Variants in RBFOX1 observed in about 807,000 individuals in gnomAD.
RBFOX1 encodes the protein RNA binding protein fox-1 homolog 1.
A neutral mutation model predicts 57.7 loss-of-function variants in RBFOX1; 8 were observed. That is an observed-to-expected ratio of 0.14 (90% CI 0.08 to 0.25). The LOEUF is 0.25. Among genes scored for constraint, RBFOX1 ranks in the 10% least tolerant of loss-of-function variants. RBFOX1 has a pLI of 1.00. For missense variants in RBFOX1, 611 were observed against 548.5 expected, an observed-to-expected ratio of 1.11 and a Z score of -1.14; for synonymous variants, 326 against 222.4, an observed-to-expected ratio of 1.47 and a Z score of -4.15.
intron 3 of RBFOX1, among the ~76,000 whole-genome samples, chr16:5,816,077 G>C (rs1035849153): frequency 5.9e-5 from 9 of 152,216 alleles, no homozygotes; most frequent in Non-Finnish European, 1.2e-4. Context: ...TGAGCCTCCA[G>C]TTCTCCATGG....
At chr16:5,752,242 A>C (rs1371551777) in intron 3 of RBFOX1, among the ~76,000 whole-genome samples, 1 of 152,172 alleles carries the variant, frequency 6.6e-6, no homozygotes, top group Non-Finnish European at 1.5e-5. Context: ...GGACACATAG[A>C]GGGGAGAAAT....
intron 4 of RBFOX1, among the ~76,000 whole-genome samples, chr16:5,955,457 C>T (rs2059618438): frequency 6.6e-6 from 1 of 151,832 alleles, no homozygotes; most frequent in South Asian, 2.1e-4. Flanking sequence ...CCCTTTTGGA[C>T]ATTTCTGTTA....
chr16:5,999,905 A>T (rs1204446442), intron 4 of RBFOX1, among the ~76,000 whole-genome samples: 1 of 34,908 alleles, frequency 2.9e-5, no homozygotes, highest in African/African-American at 1.2e-4. Flanking sequence ...AAAAAAAAAA[A>T]AAGAGTGAAG....
chr16:6,744,375 A>C (rs918313713), intron 3 of RBFOX1, among the ~76,000 whole-genome samples: 2 of 152,144 alleles, frequency 1.3e-5, no homozygotes, highest in Non-Finnish European at 2.9e-5. Flanking sequence ...AGAACCCTCT[A>C]TCCTAAAATA....
intron 2 of RBFOX1, among the ~76,000 whole-genome samples, chr16:6,395,521 C>CT (rs913983149): frequency 1.1e-4 from 16 of 151,032 alleles, no homozygotes; most frequent in African/African-American, 2.2e-4. Context: ...TAAGTTCTTA[C>CT]TTTTTTTTTA....
In RBFOX1 at chr16:6,874,665, G is replaced by C. The variant is rs573336091; in HGVS notation, c.-15-177392G>C. Reference sequence around the variant, plus strand: ...ACTTACAATGGTTTTCCATTCCCGAGTTCCTTAACATTGTGTTAATATACT... The same window carrying C: ...ACTTACAATGGTTTTCCATTCCCGACTTCCTTAACATTGTGTTAATATACT... On this transcript the variant is annotated intron_variant, in intron 3 of 15. Coordinates refer to ENST00000550418, the MANE Select transcript of RBFOX1 (RefSeq NM_018723.4). 2.6e-5 allele frequency among the ~76,000 whole-genome samples: 4 copies of C among 152,118 alleles called. No individual in the cohort carries two copies. The East Asian group carries it at 7.7e-4, about 29-fold the overall frequency.
chr16:7,482,541 G>GTTTTTTTTT (rs1567418090), intron 4 of RBFOX1, among the ~76,000 whole-genome samples: 1 of 122,700 alleles, frequency 8.1e-6, no homozygotes, highest in African/African-American at 3.5e-5. Context: ...GATTGCCTGG[G>GTTTTTTTTT]ATTTTTTTTT....
intron 4 of RBFOX1, among the ~76,000 whole-genome samples, chr16:5,949,009 T>G (rs1253692198): frequency 6.6e-6 from 1 of 152,204 alleles, no homozygotes; most frequent in Non-Finnish European, 1.5e-5. Flanking sequence ...TCTATGTGTT[T>G]GTGTGTCTAC....
At chr16:5,781,300 T>C (rs1217278352) in intron 3 of RBFOX1, among the ~76,000 whole-genome samples, 1 of 152,204 alleles carries the variant, frequency 6.6e-6, no homozygotes, top group Non-Finnish European at 1.5e-5. Context: ...TTAAGGTTTA[T>C]CCATAGCCTC....
chr16:6,363,706 G>C (rs2089047625), intron 2 of RBFOX1, among the ~76,000 whole-genome samples: 1 of 152,164 alleles, frequency 6.6e-6, no homozygotes, highest in Non-Finnish European at 1.5e-5. Context: ...TAGCTAAAAG[G>C]CTAACAGGAG....
At chr16:7,148,345 G>A (rs577512068) in intron 4 of RBFOX1, among the ~76,000 whole-genome samples, 41 of 152,248 alleles carry the variant, frequency 2.7e-4, no homozygotes, top group African/African-American at 9.9e-4. Context: ...CCTGATTTTA[G>A]CATCTATACA....
chr16:7,121,975 C>T (rs1322395304), intron 4 of RBFOX1, among the ~76,000 whole-genome samples: 1 of 151,844 alleles, frequency 6.6e-6, no homozygotes, highest in Non-Finnish European at 1.5e-5. Flanking sequence ...ACACATTTGC[C>T]AAATCATATG....
chr16:6,995,475 G>A (rs985427194), intron 3 of RBFOX1, among the ~76,000 whole-genome samples: 1 of 152,066 alleles, frequency 6.6e-6, no homozygotes, highest in Non-Finnish European at 1.5e-5. Flanking sequence ...AGAAGAGGAA[G>A]GCTTTGAAGA....
At chr16:7,330,627 T>C (rs2096676739) in intron 4 of RBFOX1, among the ~76,000 whole-genome samples, 1 of 151,996 alleles carries the variant, frequency 6.6e-6, no homozygotes, top group Non-Finnish European at 1.5e-5. Context: ...TATTGAAGCA[T>C]TCTTGATTAA....
intron 3 of RBFOX1, among the ~76,000 whole-genome samples, chr16:5,689,413 T>C (rs2050601129): frequency 6.6e-6 from 1 of 151,980 alleles, no homozygotes; most frequent in Admixed American, 6.6e-5. Context: ...ATTGTGGGAG[T>C]TGTAAATTTG....
At chr16:5,522,439 A>G (rs557752879) in intron 2 of RBFOX1, among the ~76,000 whole-genome samples, 1 of 152,368 alleles carries the variant, frequency 6.6e-6, no homozygotes, top group South Asian at 2.1e-4. Context: ...CAGATATTTA[A>G]GAGGTACATG....
At chr16:6,866,320 A>C (rs1035108690) in intron 3 of RBFOX1, among the ~76,000 whole-genome samples, 1 of 151,998 alleles carries the variant, frequency 6.6e-6, no homozygotes, top group African/African-American at 2.4e-5. Flanking sequence ...AGCTATGATG[A>C]AACAAGGAAA....
At chr16:5,508,979 A>G (rs1448500488) in intron 2 of RBFOX1, among the ~76,000 whole-genome samples, 1 of 152,172 alleles carries the variant, frequency 6.6e-6, no homozygotes, top group Non-Finnish European at 1.5e-5. Flanking sequence ...GGATGTACTT[A>G]AACTCCAGGG....
chr16:5,681,731 G>A (rs946408539), intron 3 of RBFOX1, among the ~76,000 whole-genome samples: 16 of 152,064 alleles, frequency 1.1e-4, no homozygotes, highest in South Asian at 2.1e-4. Context: ...TAAAATTGAC[G>A]TAATGCAAAG....
Sources: gnomAD v4.1 joint callset for allele counts (sites outside exome capture counted in the v4.1 genomes callset) on GRCh38, gnomAD v4.1.1 for gene constraint, MANE v1.5 for transcripts, NCBI Gene and HGNC (gene_info 2026-07-23, HGNC 2026-07-21) for gene names.